FRK: variants seen among roughly 807,000 people sequenced by gnomAD.
FRK encodes the protein tyrosine-protein kinase FRK.
FRK carries 51 observed loss-of-function variants against 56.4 expected under a neutral mutation model. The ratio of observed to expected loss-of-function variants is 0.90; its 90% CI spans 0.72 to 1.14. The LOEUF (loss-of-function observed/expected upper bound fraction) is 1.14. Among genes scored for constraint, FRK ranks in the 50% most tolerant of loss-of-function variants. The probability of loss-of-function intolerance (pLI) is 0.00; values close to 1 mark genes in which losing one functional copy is unlikely to be tolerated. For missense variants in FRK, 570 were observed against 601.4 expected (o/e 0.95, Z 0.55); for synonymous variants, 245 against 217.9 (o/e 1.12, Z -1.10).
chr6:115,990,348 G>A (rs1304812154), intron 2 of FRK, among the ~76,000 whole-genome samples: 1 of 151,760 alleles, frequency 6.6e-6, no homozygotes, highest in Non-Finnish European at 1.5e-5. Context: ...TAAATTATTT[G>A]CCTAGGTCAA....
intron 4 of FRK, among the ~76,000 whole-genome samples, chr6:115,966,090 A>AAG (rs1554226813): frequency 7.0e-4 from 99 of 142,198 alleles, no homozygotes; most frequent in Middle Eastern, 3.7e-3. Context: ...CTTAAAAAAA[A>AAG]AAGAAGTATT....
At chr6:116,089,928 T>C in the FRK span, among the ~76,000 whole-genome samples, 1 of 152,200 alleles carries the variant, frequency 6.6e-6, no homozygotes, top group Non-Finnish European at 1.5e-5. Flanking sequence ...AAAAAGTTTG[T>C]TGCAAAAGGA....
intron 4 of FRK, among the ~76,000 whole-genome samples, chr6:115,959,076 A>G (rs1384462859): frequency 1.3e-5 from 2 of 152,298 alleles, no homozygotes; most frequent in East Asian, 1.9e-4. Context: ...AGGAAACCCA[A>G]TCTCAACTCA....
intron 5 of FRK, among the ~76,000 whole-genome samples, chr6:115,952,460 T>C (rs1232369275): frequency 1.3e-5 from 2 of 152,030 alleles, no homozygotes; most frequent in African/African-American, 2.4e-5. Context: ...AGGAACACTT[T>C]TACACTCTTG....
the FRK span, among the ~76,000 whole-genome samples, chr6:116,081,404 C>G: frequency 6.6e-6 from 1 of 152,146 alleles, no homozygotes; most frequent in East Asian, 1.9e-4. Flanking sequence ...CGCCTGTAAT[C>G]CCAGCACTTT....
Position 116,060,442 on chromosome 6 carries a change from G to A in FRK, c.-131C>T. On this transcript the variant is annotated 5_prime_UTR_variant, in exon 1 of 8. Transcript: ENST00000606080. ...CACCATACTTCGGAGAGTATGCAAA[G>A]TCCCGTTTCAGATCAGTCCAGCAGC... 1.4e-6 allele frequency: 1 copy of A among 691,918 alleles called. No individual in the cohort carries two copies. Among genetic ancestry groups the A allele is most frequent in the Non-Finnish European group, 2.4e-6 (1 of 413,754 alleles). 42.9% of individuals were successfully genotyped at this position (691,918 alleles called of 1,614,324 possible).
At chr6:115,953,003 C>T (rs1772829505) in intron 5 of FRK, among the ~76,000 whole-genome samples, 1 of 151,212 alleles carries the variant, frequency 6.6e-6, no homozygotes, top group Admixed American at 6.6e-5. Flanking sequence ...AGCACACCAG[C>T]ATGGCACATG....
the FRK span, among the ~76,000 whole-genome samples, chr6:116,080,072 G>A: frequency 6.6e-6 from 1 of 152,130 alleles, no homozygotes; most frequent in African/African-American, 2.4e-5. Context: ...AAAAGTATTT[G>A]AGTTAGATTA....
In FRK at chr6:116,060,063, T is replaced by G; in HGVS notation, c.249A>C (p.Arg83Ser). Reference sequence around the variant, plus strand: ...AGCCATCTCGTCTTTTCTCCAAGTGTCTGGCAAACCACCAGCCCTCATGCA... The same window carrying G: ...AGCCATCTCGTCTTTTCTCCAAGTGGCTGGCAAACCACCAGCCCTCATGCA... ...DTLHEGWWFA[R>S]HLEKRRDGSS... Residue 83 changes from arginine to serine, a missense_variant, in exon 1 of 8, where the codon AGA becomes AGC. Arg to Ser is a moderately radical substitution (Grantham distance 110). Transcript: ENST00000606080. The G allele has an allele frequency of 6.2e-7, 1 of 1,614,190 alleles. No homozygotes were observed.
chr6:115,989,284 C>A (rs1463373294), intron 2 of FRK, among the ~76,000 whole-genome samples: 1 of 151,686 alleles, frequency 6.6e-6, no homozygotes, highest in Admixed American at 6.6e-5. Flanking sequence ...ATTTCCAATT[C>A]TTTTATTTAT....
Position 115,938,830 on chromosome 6 carries a change from A to G in FRK, c.*3584T>C, listed in dbSNP as rs1177530363. 1 of 152,216 alleles carries G rather than the reference A, an allele frequency of 6.6e-6. No homozygotes were observed. Among genetic ancestry groups the G allele is most frequent in the Non-Finnish European group, 1.5e-5 (1 of 68,032 alleles). 9.4% of individuals were successfully genotyped at this position (152,216 alleles called of 1,614,324 possible). Reference sequence around the variant, plus strand: ...AGTTCTGAAATTGAGGCAGTAATTAATAGCCTACCAACCAAAAAAAGTCCA... The same window carrying G: ...AGTTCTGAAATTGAGGCAGTAATTAGTAGCCTACCAACCAAAAAAAGTCCA... On this transcript the variant is annotated 3_prime_UTR_variant, in exon 8 of 8. Transcript: ENST00000606080.
At chr6:116,073,287 T>G in the FRK span, among the ~76,000 whole-genome samples, 1 of 152,184 alleles carries the variant, frequency 6.6e-6, no homozygotes, top group Non-Finnish European at 1.5e-5. Context: ...AATTTTATAC[T>G]TAGAAATTCA....
chr6:115,943,138 C>T lies in FRK; in HGVS notation c.1188G>A (p.Pro396=), dbSNP rs201753000. 4,233 of 1,612,618 alleles carry T rather than the reference C, an allele frequency of 2.6e-3. 113 individuals carry two copies. The South Asian group carries it at 0.036, about 14-fold the overall frequency. ...TGGCTTCGGGCGCAGTCCACTTCAC[C>T]GGCAGCTTTATTTCGTGTCTAGATT... ...IYESRHEIKL[P]VKWTAPEAIR... The change falls in exon 7 of 8, where the codon CCG becomes CCA. Residue 396 remains proline, a synonymous_variant. Transcript: ENST00000606080.
At position 115,991,340 on chromosome 6, in the gene FRK, T is replaced by C. The variant is rs1204698578; in HGVS notation, c.466+12537A>G. ...GGAGTGGTGAGAGTGGACATCCTTG[T>C]TTTGTTCCAGTTCTTAGAAAGAATG... On this transcript the variant is annotated intron_variant, in intron 2 of 7. Transcript: ENST00000606080. Among the ~76,000 whole-genome samples the C allele has an allele frequency of 1.3e-5, 2 of 151,926 alleles. 1 individual carries two copies. Among genetic ancestry groups the C allele is most frequent in the Admixed American group, 1.3e-4 (2 of 15,214 alleles).
At chr6:116,029,296 C>T (rs917062396) in intron 1 of FRK, among the ~76,000 whole-genome samples, 2 of 151,994 alleles carry the variant, frequency 1.3e-5, no homozygotes, top group Non-Finnish European at 2.9e-5. Context: ...TTTCTGCCTC[C>T]CCACTAGAAT....
upstream of FRK, among the ~76,000 whole-genome samples, chr6:116,061,014 G>A (rs1777607091): frequency 6.6e-6 from 1 of 152,180 alleles, no homozygotes; most frequent in Non-Finnish European, 1.5e-5. Context: ...TGTTAAAGCA[G>A]CCGCTAAAAT....
At chr6:116,011,723 C>G (rs1485302058) in intron 1 of FRK, among the ~76,000 whole-genome samples, 2 of 152,190 alleles carry the variant, frequency 1.3e-5, no homozygotes, top group Non-Finnish European at 2.9e-5. Context: ...AGGGCACACT[C>G]ATAACCACAT....
intron 5 of FRK, among the ~76,000 whole-genome samples, chr6:115,955,559 G>A (rs1163611626): frequency 1.3e-5 from 2 of 152,148 alleles, no homozygotes; most frequent in Non-Finnish European, 2.9e-5. Context: ...GTTTTTAACA[G>A]CATTCAACAG....
intron 1 of FRK, among the ~76,000 whole-genome samples, chr6:116,040,090 G>A (rs944115410): frequency 6.6e-6 from 1 of 152,064 alleles, no homozygotes; most frequent in African/African-American, 2.4e-5. Context: ...ATGCACATGG[G>A]GGAAGTCTTA....
Sources: allele counts gnomAD v4.1 joint callset (sites outside exome capture counted in the v4.1 genomes callset), GRCh38; gene constraint gnomAD v4.1.1; transcripts MANE v1.5; gene names NCBI Gene and HGNC (gene_info 2026-07-23, HGNC 2026-07-21).